TMEM260: variants seen among roughly 807,000 people sequenced by gnomAD.
TMEM260 encodes transmembrane protein 260.
TMEM260 carries 82 observed loss-of-function variants against 88.9 expected under a neutral mutation model. The observed-to-expected ratio is 0.92, with a 90% confidence interval of 0.77 to 1.11. The LOEUF is 1.11. Ranked by LOEUF, TMEM260 falls within the 50% of genes least tolerant of loss-of-function variation. The pLI, the probability that TMEM260 is intolerant of heterozygous loss-of-function variation, is 0.00. For synonymous variants in TMEM260, 314 were observed against 309.3 expected (o/e 1.02, Z -0.16); for missense variants, 902 against 853.4 (o/e 1.06, Z -0.71).
rs146912207 is a variant in TMEM260, at chr14:56,643,752, C to G, written c.1870-3491C>G. 2.9e-3 allele frequency among the ~76,000 whole-genome samples: 437 copies of G among 152,204 alleles called. 4 individuals carry two copies. Among genetic ancestry groups the G allele is most frequent in the African/African-American group, 0.01 (418 of 41,544 alleles). ...TTTGCAGATGACATGATTGTATATT[C>G]AGAAAACCCCACTGTCTCAGCCCAA... On this transcript the variant is annotated intron_variant, in intron 15 of 15. Transcript: ENST00000261556.
chr14:56,651,101 A>G (rs28514653), downstream of TMEM260, among the ~76,000 whole-genome samples: 13,563 of 152,248 alleles, frequency 0.089, 908 homozygotes, highest in East Asian at 0.26. Context: ...TTCTGGGAAC[A>G]TCTAAAGGCC....
downstream of TMEM260, among the ~76,000 whole-genome samples, chr14:56,651,404 C>T (rs1225440047): frequency 6.6e-6 from 1 of 152,054 alleles, no homozygotes; most frequent in Non-Finnish European, 1.5e-5. Flanking sequence ...AAGATTAGCT[C>T]ATGCCATATT....
At chr14:56,641,768 C>G (rs1469561281) in intron 15 of TMEM260, among the ~76,000 whole-genome samples, 1 of 152,152 alleles carries the variant, frequency 6.6e-6, no homozygotes, top group Non-Finnish European at 1.5e-5. Flanking sequence ...ATTCAGGAAA[C>G]CCATCTCACG....
Position 56,603,957 on chromosome 14 carries a change from T to G in TMEM260, c.487T>G (p.Phe163Val). 1.3e-6 allele frequency: 2 copies of G among 1,597,142 alleles called. No individual in the cohort carries two copies. Among genetic ancestry groups the G allele is most frequent in the Non-Finnish European group, 1.7e-6 (2 of 1,174,616 alleles). ...GCTGCTTATGGCTCTTACTGTACAT[T>G]TTGAGGAAGCAGCAACTGCTAAGGA... ...VGLLMALTVH[F>V]EEAATAKERS... Residue 163 changes from phenylalanine (F) to valine (V), a missense_variant, in exon 4 of 16, where the codon TTT (phenylalanine) becomes GTT (valine). Coordinates refer to ENST00000261556, the MANE Select transcript of TMEM260 (RefSeq NM_017799.4).
At chr14:56,640,428 T>C (rs890331466) in intron 15 of TMEM260, among the ~76,000 whole-genome samples, 2 of 152,198 alleles carry the variant, frequency 1.3e-5, no homozygotes, top group Non-Finnish European at 2.9e-5. Context: ...GACCTGCAGC[T>C]GAGGGTCCTG....
chr14:56,616,015 G>T lies in TMEM260; in HGVS notation c.929G>T (p.Cys310Phe), dbSNP rs547702283. The T allele has an allele frequency of 6.2e-7, 1 of 1,609,310 alleles. No individual in the cohort carries two copies. The highest frequency in any genetic ancestry group is 8.5e-7 in the Non-Finnish European group (1 of 1,176,196). ...GCCCTTGCAGTTTGTGCAAATATAT[G>T]TTTAGCAACAAAGTAAGTAATACAA... The part of the protein sequence containing the change: ...IQALAVCANI[C>F]LATKDRQNPS... Residue 310 changes from cysteine (C) to phenylalanine (F), a missense_variant, in exon 8 of 16, where the codon TGT becomes TTT. Transcript: ENST00000261556.
chr14:56,659,358 CAATA>C, the TMEM260 span, among the ~76,000 whole-genome samples: 1 of 150,422 alleles, frequency 6.6e-6, no homozygotes, highest in Non-Finnish European at 1.5e-5. Context: ...TCAAGACAAA[CAATA>C]GATAGGACAG....
chr14:56,620,342 C>T (rs1027827048), intron 10 of TMEM260, among the ~76,000 whole-genome samples: 1 of 152,122 alleles, frequency 6.6e-6, no homozygotes, highest in African/African-American at 2.4e-5. Flanking sequence ...TGGGGTAGAG[C>T]TGGTGTTAGG....
At chr14:56,601,277 T>C (rs947737513) in intron 3 of TMEM260, among the ~76,000 whole-genome samples, 2 of 152,164 alleles carry the variant, frequency 1.3e-5, no homozygotes, top group Non-Finnish European at 2.9e-5. Flanking sequence ...CATTATAGAT[T>C]AGTGAATGTT....
chr14:56,615,054 C>T (rs576138112), intron 7 of TMEM260, among the ~76,000 whole-genome samples: 1 of 152,160 alleles, frequency 6.6e-6, no homozygotes, highest in African/African-American at 2.4e-5. Flanking sequence ...AGACTGACTT[C>T]ATTCCTTTTG....
rs1295760391 is a variant in TMEM260 at position 56,649,453 on chromosome 14, A to C, written c.*1956A>C. The C allele has an allele frequency of 1.3e-5, 2 of 152,196 alleles. No homozygotes were observed. The highest frequency in any genetic ancestry group is 2.9e-5 in the Non-Finnish European group (2 of 68,032). The allele number at this position is 152,196 out of a possible 1,614,324, so 9.4% of individuals were successfully genotyped here. A position where few individuals can be genotyped will look rare whatever the true frequency, so the allele number is the denominator to read the frequency against. ...ATCCATTTGAAAGAAATTGTGTAAGATTATGATATTCTCTTTTCTTTAAAA... is the reference window on the plus strand; with the variant it reads ...ATCCATTTGAAAGAAATTGTGTAAGCTTATGATATTCTCTTTTCTTTAAAA... On this transcript the variant is annotated 3_prime_UTR_variant, in exon 16 of 16. Coordinates refer to ENST00000261556, the MANE Select transcript of TMEM260 (RefSeq NM_017799.4).
chr14:56,640,278 G>A (rs1373768051), intron 15 of TMEM260, among the ~76,000 whole-genome samples: 1 of 152,110 alleles, frequency 6.6e-6, no homozygotes, highest in Non-Finnish European at 1.5e-5. Context: ...CACACAGCCG[G>A]GTACTCCTCT....
Position 56,618,924 on chromosome 14 carries a change from C to T in TMEM260, c.1226+161C>T, listed in dbSNP as rs1353693468. ...TTCTTTAACTTTTAGGGTCGTTAAACCTAAAAGTTAAAGCATGGGCGATGA... is the reference window on the plus strand; with the variant it reads ...TTCTTTAACTTTTAGGGTCGTTAAATCTAAAAGTTAAAGCATGGGCGATGA... On this transcript the variant is annotated intron_variant, in intron 10 of 15. Transcript: ENST00000261556. Among the ~76,000 whole-genome samples, 3 of 152,158 alleles carry T rather than the reference C, an allele frequency of 2.0e-5. No homozygotes were observed. The East Asian group carries it at 5.8e-4, about 29-fold the overall frequency.
In TMEM260 at chr14:56,639,704, C is replaced by T. The variant is rs144055872; in HGVS notation, c.1869+3106C>T. 7.6e-3 allele frequency among the ~76,000 whole-genome samples: 1,150 copies of T among 152,282 alleles called. 12 individuals carry two copies. Among genetic ancestry groups the T allele is most frequent in the African/African-American group, 0.025 (1,049 of 41,556 alleles). On this transcript the variant is annotated intron_variant, in intron 15 of 15. Transcript: ENST00000261556. Reference sequence around the variant, plus strand: ...GCAAGGCATTGCCTCACCCAGGAAGCGCAAGGGGGCAGGGAATTCCCTTTC... The same window carrying T: ...GCAAGGCATTGCCTCACCCAGGAAGTGCAAGGGGGCAGGGAATTCCCTTTC...
chr14:56,616,170 T>G (rs1177114345), intron 8 of TMEM260, 143 bp downstream of exon 8: 2 of 594,054 alleles, frequency 3.4e-6, no homozygotes, highest in African/African-American at 3.7e-5. Context: ...AAGATAAACG[T>G]GTATTGCTTT....
In TMEM260 at chr14:56,634,864, G is replaced by T; in HGVS notation, c.1725-35G>T. 4 of 1,554,798 alleles carry T rather than the reference G, an allele frequency of 2.6e-6. No individual in the cohort carries two copies. In the South Asian group the frequency reaches 3.5e-5, roughly 14 times the overall value. On this transcript the variant is annotated intron_variant, in intron 13 of 15. Transcript: ENST00000261556. ...TCTCAAAAAAAAAAAAAAAGTGGGTGACAGAAAGATATTACTGTTTTCTTG... is the reference window on the plus strand; with the variant it reads ...TCTCAAAAAAAAAAAAAAAGTGGGTTACAGAAAGATATTACTGTTTTCTTG...
In TMEM260 at chr14:56,621,575, A is replaced by G. The variant is rs755267538; in HGVS notation, c.1271A>G (p.Lys424Arg). 1 of 1,610,744 alleles carries G rather than the reference A, an allele frequency of 6.2e-7. No individual in the cohort carries two copies. Among genetic ancestry groups the G allele is most frequent in the South Asian group, 1.1e-5 (1 of 89,884 alleles). ...RTNYVIDKFA[K>R]NLLTSMPHDA... is the part of the protein sequence containing the mutation. Reference sequence around the variant, plus strand: ...AACTATGTGATTGATAAGTTCGCAAAGAACCTTCTCACCTCTATGCCTCAT... The same window carrying G: ...AACTATGTGATTGATAAGTTCGCAAGGAACCTTCTCACCTCTATGCCTCAT... Residue 424 changes from lysine (K) to arginine (R), a missense_variant, in exon 11 of 16, where the codon AAG becomes AGG. Physicochemically the swap from Lys to Arg is conservative, Grantham distance 26 (BLOSUM62 2). Transcript: ENST00000261556.
chr14:56,617,298 G>A lies in TMEM260; in HGVS notation c.1056+1G>A. On this transcript the variant is annotated splice_donor_variant, in intron 9 of 15. Coordinates refer to ENST00000261556, the MANE Select transcript of TMEM260 (RefSeq NM_017799.4). LOFTEE classifies it high-confidence loss of function. ...TTCAAAACCACTTTTCATGGGTGTG[G>A]TAAGTTTTACTTAGATATATCCTTT... The A allele has an allele frequency of 6.3e-7, 1 of 1,577,030 alleles. No individual in the cohort carries two copies. Among genetic ancestry groups the A allele is most frequent in the Non-Finnish European group, 8.6e-7 (1 of 1,159,704 alleles).
At chr14:56,592,716 C>CT (rs1375051313) in intron 3 of TMEM260, among the ~76,000 whole-genome samples, 3 of 152,164 alleles carry the variant, frequency 2.0e-5, no homozygotes, top group Non-Finnish European at 4.4e-5. Flanking sequence ...GTCAGCTGCA[C>CT]TATTTTAGTA....
Sources: gnomAD v4.1 joint callset for allele counts (sites outside exome capture counted in the v4.1 genomes callset) on GRCh38, gnomAD v4.1.1 for gene constraint, MANE v1.5 for transcripts, NCBI Gene and HGNC (gene_info 2026-07-23, HGNC 2026-07-21) for gene names.